PRKAG2: variants seen among roughly 807,000 people sequenced by gnomAD.
PRKAG2 encodes protein kinase AMP-activated non-catalytic subunit gamma 2, also known as 5'-AMP-activated protein kinase subunit gamma-2.
In PRKAG2, 26 loss-of-function variants were observed where a neutral mutation model predicts 69.6. That is an observed-to-expected ratio of 0.37 (90% CI 0.27 to 0.52). PRKAG2 has a LOEUF of 0.52. PRKAG2 is among the 20% of genes least tolerant of loss of function. The pLI is 0.90. For synonymous variants in PRKAG2, 293 were observed against 285.0 expected (o/e 1.03, Z -0.28); for missense variants, 557 against 740.0 (o/e 0.75, Z 2.87).
Position 151,850,171 on chromosome 7 carries a change from G to A in PRKAG2, c.114+26336C>T, listed in dbSNP as rs969568062. Among the ~76,000 whole-genome samples the A allele has an allele frequency of 1.3e-5, 2 of 152,160 alleles. No individual in the cohort carries two copies. Among genetic ancestry groups the A allele is most frequent in the East Asian group, 1.9e-4 (1 of 5,182 alleles). ...AGCGGGAGGGGGGTGCAGGGGAACC[G>A]TAGCACCAATTACCCATAGTGGGCA... is the stretch of plus-strand genomic sequence containing the variant. On this transcript the variant is annotated intron_variant, in intron 1 of 15. Transcript: ENST00000287878. This position sits in a 1 kb window ranked among gnomAD's most constrained non-coding sequence, Gnocchi z 4.1.
chr7:151,603,344 T>C (rs1285301965), intron 5 of PRKAG2, among the ~76,000 whole-genome samples: 60 of 41,688 alleles, frequency 1.4e-3, no homozygotes, highest in South Asian at 2.7e-3. Context: ...CGCTCCGTCC[T>C]CACCGCACAC....
rs1181660707 is a variant in PRKAG2, at chr7:151,874,141, TATGTATATGTATATG to T, written c.114+2351_114+2365del. ...TATATGTATATGATGTATATGTATATATGTATATGTATATGATGTATATGTATATGATGTATATGT... is the reference window on the plus strand; with the variant it reads ...TATATGTATATGATGTATATGTATATATGTATATGTATATGATGTATATGT... On this transcript the variant is annotated intron_variant, in intron 1 of 15. Coordinates refer to ENST00000287878, the MANE Select transcript of PRKAG2 (RefSeq NM_016203.4). 3.5e-3 allele frequency among the ~76,000 whole-genome samples: 445 copies of T among 128,808 alleles called. 15 individuals carry two copies. The highest frequency in any genetic ancestry group is 0.011 in the African/African-American group (388 of 34,216). The allele number at this position is 128,808 out of a possible 152,430, so 84.5% of individuals were successfully genotyped here. A position where few individuals can be genotyped will look rare whatever the true frequency, so the allele number is the denominator to read the frequency against.
At chr7:151,820,493 G>T (rs1306636053) in intron 1 of PRKAG2, among the ~76,000 whole-genome samples, 2 of 106,714 alleles carry the variant, frequency 1.9e-5, no homozygotes, top group Admixed American at 1.8e-4. Context: ...TCGGAACACC[G>T]CTCCGTGGCC....
At position 151,814,471 on chromosome 7, in the gene PRKAG2, G is replaced by T; in HGVS notation, c.115-27930C>A. 8.1e-7 allele frequency: 1 copy of T among 1,230,592 alleles called. No homozygotes were observed. Among genetic ancestry groups the T allele is most frequent in the African/African-American group, 1.5e-5 (1 of 64,532 alleles). The allele number at this position is 1,230,592 out of a possible 1,614,324, so 76.2% of individuals were successfully genotyped here. A position where few individuals can be genotyped will look rare whatever the true frequency, so the allele number is the denominator to read the frequency against. On this transcript the variant is annotated intron_variant, in intron 1 of 15. Transcript: ENST00000287878. This position sits in a 1 kb window ranked among gnomAD's most constrained non-coding sequence, Gnocchi z 4.8. ...TTCCAGATGCTAATAAGCAGTGCAG[G>T]CTTGTAAGCTGCTGGATGGCAGGAT...
intron 1 of PRKAG2, among the ~76,000 whole-genome samples, chr7:151,865,815 T>G (rs188311214): frequency 7.9e-5 from 12 of 152,034 alleles, no homozygotes; most frequent in Non-Finnish European, 1.5e-4. Context: ...GTCAGGAGAT[T>G]GAGACCATCC....
At position 151,866,862 on chromosome 7, in the gene PRKAG2, G is replaced by A. The variant is rs755747245; in HGVS notation, c.114+9645C>T. Among the ~76,000 whole-genome samples the A allele has an allele frequency of 1.4e-4, 14 of 98,396 alleles. No individual in the cohort carries two copies. The South Asian group carries it at 1.6e-3, about 11-fold the overall frequency. The allele number at this position is 98,396 out of a possible 152,430, so 64.6% of individuals were successfully genotyped here. Reference sequence around the variant, plus strand: ...AGCTGTCCTCCCACCCCCACCCCTCGCACACACCTCTGCACCCCTGGCCCC... The same window carrying A: ...AGCTGTCCTCCCACCCCCACCCCTCACACACACCTCTGCACCCCTGGCCCC... On this transcript the variant is annotated intron_variant, in intron 1 of 15. Transcript: ENST00000287878.
At chr7:151,642,503 C>T (rs1047766409) in intron 4 of PRKAG2, among the ~76,000 whole-genome samples, 2 of 152,142 alleles carry the variant, frequency 1.3e-5, no homozygotes, top group South Asian at 2.1e-4. Flanking sequence ...CCCTCCAACC[C>T]GGGCAACAAA....
intron 1 of PRKAG2, among the ~76,000 whole-genome samples, chr7:151,817,965 G>A (rs548176827): frequency 8.7e-4 from 133 of 152,230 alleles, no homozygotes; most frequent in African/African-American, 3.1e-3. Context: ...GCATAATTAA[G>A]AATAAGAGGA....
chr7:151,729,344 C>T (rs933124168), intron 3 of PRKAG2, among the ~76,000 whole-genome samples: 1 of 151,470 alleles, frequency 6.6e-6, no homozygotes, highest in Non-Finnish European at 1.5e-5. Context: ...TCTGTTTGGA[C>T]ACATCCAGCA....
At chr7:151,560,753 T>C in intron 14 of PRKAG2, 136 bp from the exon 15 acceptor site, 1 of 1,203,086 alleles carries the variant, frequency 8.3e-7, no homozygotes, top group South Asian at 1.3e-5. Flanking sequence ...TGAGACATCA[T>C]CTCTACAAAA....
At chr7:151,728,122 T>C (rs960700749) in intron 3 of PRKAG2, among the ~76,000 whole-genome samples, 1 of 152,028 alleles carries the variant, frequency 6.6e-6, no homozygotes. Context: ...CCTGGGGACT[T>C]GCACCCCAAC....
At chr7:151,647,351 G>T (rs1009121416) in intron 4 of PRKAG2, among the ~76,000 whole-genome samples, 1 of 152,174 alleles carries the variant, frequency 6.6e-6, no homozygotes, top group Non-Finnish European at 1.5e-5. Flanking sequence ...TAACATTTGG[G>T]TATTCAATGA....
At chr7:151,786,707 T>C (rs948866646) in intron 1 of PRKAG2, among the ~76,000 whole-genome samples, 166 bp from the exon 2 acceptor site, 1 of 152,194 alleles carries the variant, frequency 6.6e-6, no homozygotes, top group African/African-American at 2.4e-5. Context: ...CCAAAGCCCC[T>C]GACCACCATG....
chr7:151,764,990 G>A lies in PRKAG2; in HGVS notation c.466+16162C>T, dbSNP rs1299011626. 2.0e-5 allele frequency among the ~76,000 whole-genome samples: 3 copies of A among 152,232 alleles called. No homozygotes were observed. The East Asian group carries it at 5.8e-4, about 29-fold the overall frequency. The stretch of plus-strand genomic sequence containing the variant: ...GCTTTCCTGGACATTTGCTGTGTCT[G>A]TTCTCTGGCTGCTGTCTATGGCCAG... On this transcript the variant is annotated intron_variant, in intron 3 of 15. Coordinates refer to ENST00000287878, the MANE Select transcript of PRKAG2 (RefSeq NM_016203.4).
chr7:151,561,675 G>C (rs1223369877), intron 14 of PRKAG2, among the ~76,000 whole-genome samples: 2 of 152,210 alleles, frequency 1.3e-5, no homozygotes, highest in Non-Finnish European at 2.9e-5. Flanking sequence ...GCTCACGCCT[G>C]TAATCCCAGC....
At chr7:151,635,477 C>T (rs954951254) in intron 4 of PRKAG2, among the ~76,000 whole-genome samples, 1 of 152,082 alleles carries the variant, frequency 6.6e-6, no homozygotes, top group Non-Finnish European at 1.5e-5. Context: ...TGTGGTAGGT[C>T]CATCTATACC....
intron 3 of PRKAG2, among the ~76,000 whole-genome samples, chr7:151,695,218 A>G (rs1407716245): frequency 6.6e-6 from 1 of 152,180 alleles, no homozygotes; most frequent in Non-Finnish European, 1.5e-5. Context: ...GTGTAAATTG[A>G]AGCGACAGTC....
At chr7:151,673,540 T>C (rs879854403) in intron 4 of PRKAG2, among the ~76,000 whole-genome samples, 1 of 152,200 alleles carries the variant, frequency 6.6e-6, no homozygotes, top group Non-Finnish European at 1.5e-5. Context: ...TTGTAAGCTC[T>C]AGAAGGCAGG....
chr7:151,667,670 A>G (rs1831249462), intron 4 of PRKAG2, among the ~76,000 whole-genome samples: 1 of 152,176 alleles, frequency 6.6e-6, no homozygotes, highest in Non-Finnish European at 1.5e-5. Flanking sequence ...GCCTCAAGGG[A>G]CCTTGCATAT....
Sources: gnomAD v4.1 joint callset for allele counts (sites outside exome capture counted in the v4.1 genomes callset) on GRCh38, gnomAD v4.1.1 for gene constraint, Gnocchi (gnomAD v3.1) non-coding constraint, MANE v1.5 for transcripts, NCBI Gene and HGNC (gene_info 2026-07-23, HGNC 2026-07-21) for gene names.